Variants in DCC observed in about 807,000 individuals in gnomAD.
DCC encodes DCC netrin 1 receptor.
A neutral mutation model predicts 172.5 loss-of-function variants in DCC; 58 were observed. That is an observed-to-expected ratio of 0.34 (90% confidence interval 0.27 to 0.42). The LOEUF (loss-of-function observed/expected upper bound fraction) is 0.42, where lower values mean the gene tolerates loss of function less well. Among genes scored for constraint, DCC ranks in the 10% least tolerant of loss-of-function variants. DCC has a pLI of 1.00. For missense variants in DCC, 1,740 were observed against 1,791.0 expected, an observed-to-expected ratio of 0.97 and a Z score of 0.51; for synonymous variants, 709 against 644.5, an observed-to-expected ratio of 1.10 and a Z score of -1.52.
chr18:52,999,292 A>T (rs961845199), intron 5 of DCC, among the ~76,000 whole-genome samples: 6 of 152,126 alleles, frequency 3.9e-5, no homozygotes, highest in African/African-American at 1.4e-4. Flanking sequence ...AAAGTAGCTC[A>T]GAAATGGGTG....
intron 5 of DCC, among the ~76,000 whole-genome samples, chr18:53,038,899 TA>T (rs113876592): frequency 0.042 from 6,060 of 145,276 alleles, 369 homozygotes; most frequent in African/African-American, 0.14. Context: ...AGAAATGCAT[TA>T]AAAAAAAAAA....
At chr18:52,873,519 C>T (rs151036792) in intron 2 of DCC, among the ~76,000 whole-genome samples, 1 of 152,294 alleles carries the variant, frequency 6.6e-6, no homozygotes, top group East Asian at 1.9e-4. Context: ...CCTTCCAAAC[C>T]ATACGGACTT....
chr18:52,683,907 C>T (rs139840808), intron 1 of DCC, among the ~76,000 whole-genome samples: 4 of 152,044 alleles, frequency 2.6e-5, no homozygotes, highest in African/African-American at 7.2e-5. Context: ...ATGGAATCCT[C>T]GTATGCAAAT....
At chr18:52,608,599 G>C (rs2034186469) in intron 1 of DCC, among the ~76,000 whole-genome samples, 2 of 152,174 alleles carry the variant, frequency 1.3e-5, no homozygotes, top group African/African-American at 4.8e-5. Context: ...GATATTACTT[G>C]TGGGTACATA....
intron 1 of DCC, among the ~76,000 whole-genome samples, chr18:52,624,318 T>C (rs1021230925): frequency 6.6e-6 from 1 of 152,166 alleles, no homozygotes; most frequent in African/African-American, 2.4e-5. Context: ...TTCAAAGAGA[T>C]TGTGAGTAAA....
At chr18:52,354,273 T>G (rs1409701612) in intron 1 of DCC, among the ~76,000 whole-genome samples, 1 of 151,224 alleles carries the variant, frequency 6.6e-6, no homozygotes, top group Non-Finnish European at 1.5e-5. Context: ...GGGAGGGGAG[T>G]AGAAAGAACC....
At chr18:53,407,937 A>G (rs1191260999) in intron 19 of DCC, among the ~76,000 whole-genome samples, 2 of 152,108 alleles carry the variant, frequency 1.3e-5, no homozygotes, top group East Asian at 1.9e-4. Flanking sequence ...GAATTTTAGA[A>G]CTCCAAGTTT....
At chr18:52,843,957 G>A (rs1464785666) in intron 2 of DCC, among the ~76,000 whole-genome samples, 3 of 152,062 alleles carry the variant, frequency 2.0e-5, no homozygotes, top group African/African-American at 2.4e-5. Context: ...AAAATTATTA[G>A]CATGATATAG....
chr18:52,872,296 T>C (rs1440649517), intron 2 of DCC, among the ~76,000 whole-genome samples: 2 of 152,098 alleles, frequency 1.3e-5, no homozygotes, highest in African/African-American at 2.4e-5. Flanking sequence ...TTAGATGAAA[T>C]CTCACAGGTA....
chr18:53,066,220 T>G, intron 7 of DCC, 54 bp downstream of exon 7: 1 of 1,576,188 alleles, frequency 6.3e-7, no homozygotes, highest in East Asian at 2.2e-5. Context: ...ATTCATAGTC[T>G]GTTGGTAAAA....
chr18:52,800,297 C>A (rs975705139), intron 2 of DCC, among the ~76,000 whole-genome samples: 1 of 152,090 alleles, frequency 6.6e-6, no homozygotes. Context: ...TTAAATGAGT[C>A]ATTAAACAAA....
At position 52,497,351 on chromosome 18, in the gene DCC, A is replaced by G. The variant is rs202228534; in HGVS notation, c.91+156473A>G. ...TATATATACACACGTATGCATATAT[A>G]TATACACACATATACATATGTGTAT... On this transcript the variant is annotated intron_variant, in intron 1 of 28. Coordinates refer to ENST00000442544, the MANE Select transcript of DCC (RefSeq NM_005215.4). Among the ~76,000 whole-genome samples the G allele has an allele frequency of 2.0e-3, 170 of 84,352 alleles. 34 individuals are homozygous for G. In the East Asian group the frequency reaches 0.042, roughly 21 times the overall value. 55.3% of individuals were successfully genotyped at this position (84,352 alleles called of 152,430 possible). A position where few individuals can be genotyped will look rare whatever the true frequency, so the allele number is the denominator to read the frequency against.
At chr18:52,425,560 A>T (rs1230667403) in intron 1 of DCC, among the ~76,000 whole-genome samples, 1 of 152,158 alleles carries the variant, frequency 6.6e-6, no homozygotes, top group Non-Finnish European at 1.5e-5. Context: ...TTATGACTAT[A>T]CTGCACAGCC....
intron 7 of DCC, among the ~76,000 whole-genome samples, chr18:53,066,732 G>C (rs1376235407): frequency 1.3e-5 from 2 of 151,834 alleles, no homozygotes; most frequent in African/African-American, 2.4e-5. Flanking sequence ...GTATTAGTCT[G>C]TTCTCCACTG....
At chr18:52,985,401 C>T (rs1160824850) in intron 5 of DCC, among the ~76,000 whole-genome samples, 1 of 152,026 alleles carries the variant, frequency 6.6e-6, no homozygotes, top group Non-Finnish European at 1.5e-5. Context: ...GCTTTATTGT[C>T]CTATAGCATT....
intron 9 of DCC, among the ~76,000 whole-genome samples, chr18:53,197,408 CTTTTA>C (rs1344591905): frequency 4.0e-5 from 5 of 126,238 alleles, no homozygotes; most frequent in Non-Finnish European, 1.6e-5. Flanking sequence ...TTCAAATCCA[CTTTTA>C]TTTTAGTTTT....
chr18:53,131,411 A>G (rs1269590478), intron 7 of DCC, among the ~76,000 whole-genome samples: 1 of 152,140 alleles, frequency 6.6e-6, no homozygotes, highest in Non-Finnish European at 1.5e-5. Flanking sequence ...GAAAGATGCA[A>G]AAGTTGTTAC....
chr18:53,069,929 G>A (rs1002513946), intron 7 of DCC, among the ~76,000 whole-genome samples: 1 of 151,314 alleles, frequency 6.6e-6, no homozygotes, highest in African/African-American at 2.4e-5. Context: ...GTTGGGGGGG[G>A]TTGTTATTGT....
chr18:52,655,679 G>T (rs2035230230), intron 1 of DCC, among the ~76,000 whole-genome samples: 1 of 151,948 alleles, frequency 6.6e-6, no homozygotes, highest in Non-Finnish European at 1.5e-5. Context: ...AAGGACATAG[G>T]CAGTTGTATT....
Sources: allele counts gnomAD v4.1 joint callset (sites outside exome capture counted in the v4.1 genomes callset), GRCh38; gene constraint gnomAD v4.1.1; transcripts MANE v1.5; gene names NCBI Gene and HGNC (gene_info 2026-07-23, HGNC 2026-07-21).